Variants in TTC23 observed in about 807,000 individuals in gnomAD.
TTC23 encodes the protein tetratricopeptide repeat protein 23.
A neutral mutation model predicts 55.1 loss-of-function variants in TTC23; 58 were observed. That is an observed-to-expected ratio of 1.05 (90% CI 0.85 to 1.31). The LOEUF (loss-of-function observed/expected upper bound fraction) is 1.31, where lower values mean the gene tolerates loss of function less well. Among genes scored for constraint, TTC23 ranks in the 50% most tolerant of loss-of-function variants. The probability of loss-of-function intolerance (pLI) is 0.00; values close to 1 mark genes in which losing one functional copy is unlikely to be tolerated. For missense variants in TTC23, 516 were observed against 534.4 expected (o/e 0.97, Z 0.34); for synonymous variants, 203 against 199.9 (o/e 1.02, Z -0.13).
At chr15:99,231,530 T>C (rs921485936) in intron 4 of TTC23, among the ~76,000 whole-genome samples, 1 of 152,218 alleles carries the variant, frequency 6.6e-6, no homozygotes, top group Non-Finnish European at 1.5e-5. Context: ...CTCGCTCTGT[T>C]GCCCAGGCTG....
chr15:99,242,200 G>A (rs759393944), intron 2 of TTC23, among the ~76,000 whole-genome samples: 1 of 150,216 alleles, frequency 6.7e-6, no homozygotes, highest in Non-Finnish European at 1.5e-5. Context: ...GAAAGTGTAC[G>A]CTAGTTAAGA....
intron 9 of TTC23, among the ~76,000 whole-genome samples, chr15:99,178,962 G>A (rs2073867460): frequency 6.6e-6 from 1 of 152,174 alleles, no homozygotes; most frequent in African/African-American, 2.4e-5. Context: ...GGACCTTGAG[G>A]GGAGGGGCTG....
chr15:99,181,941 T>C (rs901056918), intron 9 of TTC23, among the ~76,000 whole-genome samples: 5 of 152,124 alleles, frequency 3.3e-5, no homozygotes, highest in African/African-American at 1.2e-4. Flanking sequence ...TCCAAAGAGC[T>C]GGGGAGAAAA....
chr15:99,189,200 T>C (rs1325853387), intron 9 of TTC23, among the ~76,000 whole-genome samples: 2 of 152,178 alleles, frequency 1.3e-5, no homozygotes, highest in Non-Finnish European at 2.9e-5. Context: ...GGTTTCCAGA[T>C]ATACTGTTAT....
intron 9 of TTC23, among the ~76,000 whole-genome samples, chr15:99,199,360 G>A (rs558581663): frequency 7.1e-6 from 1 of 141,248 alleles, no homozygotes; most frequent in South Asian, 2.3e-4. Flanking sequence ...GTGAACCCAG[G>A]AGTTTGAAAC....
chr15:99,222,793 C>T (rs1052135222), intron 5 of TTC23, among the ~76,000 whole-genome samples: 11 of 151,990 alleles, frequency 7.2e-5, no homozygotes, highest in South Asian at 2.1e-4. Context: ...GTCAAGAGAT[C>T]GAGACCATCC....
At chr15:99,250,580 AGT>A (rs1204198296), upstream of TTC23, among the ~76,000 whole-genome samples, 5 of 152,226 alleles carry the variant, frequency 3.3e-5, no homozygotes, top group East Asian at 9.6e-4. Flanking sequence ...CACTTTAAAA[AGT>A]GTCTTTTAAA....
chr15:99,238,177 C>G (rs1181531705), intron 3 of TTC23, among the ~76,000 whole-genome samples: 1 of 151,910 alleles, frequency 6.6e-6, no homozygotes, highest in African/African-American at 2.4e-5. Flanking sequence ...CCATGTTGGC[C>G]AGGTTGGTCT....
At chr15:99,190,193 G>T (rs890843868) in intron 9 of TTC23, among the ~76,000 whole-genome samples, 24 of 149,010 alleles carry the variant, frequency 1.6e-4, no homozygotes, top group African/African-American at 5.9e-4. Flanking sequence ...AAGAAAGAAA[G>T]AAAGAAAGAA....
chr15:99,149,545 G>A (rs1376450584), intron 12 of TTC23, among the ~76,000 whole-genome samples: 1 of 152,248 alleles, frequency 6.6e-6, no homozygotes, highest in Non-Finnish European at 1.5e-5. Context: ...TGGCCAACAT[G>A]CAGAACCCTG....
intron 1 of TTC23, among the ~76,000 whole-genome samples, chr15:99,247,911 C>CTTTA (rs2080400602): frequency 6.6e-6 from 1 of 151,936 alleles, no homozygotes; most frequent in South Asian, 2.1e-4. Context: ...GACAAATGAA[C>CTTTA]TTTATAATAT....
chr15:99,170,299 C>T (rs931644916), intron 10 of TTC23, among the ~76,000 whole-genome samples: 1 of 152,110 alleles, frequency 6.6e-6, no homozygotes, highest in Non-Finnish European at 1.5e-5. Flanking sequence ...TGGCCAGTGG[C>T]GTTTTGTTAG....
intron 4 of TTC23, among the ~76,000 whole-genome samples, chr15:99,234,177 G>A (rs1359745106): frequency 6.6e-6 from 1 of 151,922 alleles, no homozygotes. Flanking sequence ...ATAACCAATT[G>A]GATTTCATCA....
chr15:99,226,674 C>A (rs2078449884), intron 5 of TTC23, among the ~76,000 whole-genome samples: 1 of 152,076 alleles, frequency 6.6e-6, no homozygotes, highest in Non-Finnish European at 1.5e-5. Context: ...CCTGCTTGTG[C>A]CTACCCTGTA....
chr15:99,144,009 A>T (rs943534353), intron 12 of TTC23, among the ~76,000 whole-genome samples: 10 of 152,150 alleles, frequency 6.6e-5, no homozygotes, highest in Non-Finnish European at 2.9e-5. Context: ...GGGAAGTTCC[A>T]CTGGGTGTGT....
At chr15:99,174,505 C>T (rs184337586) in intron 10 of TTC23, among the ~76,000 whole-genome samples, 150 of 150,594 alleles carry the variant, frequency 1.0e-3, no homozygotes, top group Non-Finnish European at 1.6e-3. Context: ...TTTCTGCCAA[C>T]GGAGGCACAT....
chr15:99,243,358 G>C (rs1441063667), intron 2 of TTC23, among the ~76,000 whole-genome samples: 1 of 152,222 alleles, frequency 6.6e-6, no homozygotes, highest in Non-Finnish European at 1.5e-5. Context: ...ATGCTGGTGA[G>C]GATGTGGACA....
chr15:99,239,038 G>C (rs1430011574), intron 3 of TTC23, among the ~76,000 whole-genome samples: 2 of 152,166 alleles, frequency 1.3e-5, no homozygotes, highest in Non-Finnish European at 2.9e-5. Context: ...TTCAGGCTAA[G>C]AGTTTGATTG....
At chr15:99,187,452 C>CAAAAAAAAAAAAAAAAAAAAAAAAAAA (rs66568931) in intron 9 of TTC23, among the ~76,000 whole-genome samples, 12 of 44,486 alleles carry the variant, frequency 2.7e-4, no homozygotes, top group South Asian at 9.0e-4. Context: ...AAAGCACAAG[C>CAAAAAAAAAAAAAAAAAAAAAAAAAAA]AAAAAAAAAA....
Sources: allele counts gnomAD v4.1 joint callset (sites outside exome capture counted in the v4.1 genomes callset), GRCh38; gene constraint gnomAD v4.1.1; transcripts MANE v1.5; gene names NCBI Gene and HGNC (gene_info 2026-07-23, HGNC 2026-07-21).